The following PDE3B variants were observed in gnomAD, a reference collection of about 807,000 sequenced individuals.
PDE3B encodes the protein cGMP-inhibited 3',5'-cyclic phosphodiesterase 3B.
In PDE3B, 66 loss-of-function variants were observed where a neutral mutation model predicts 116.8. The ratio of observed to expected loss-of-function variants is 0.56; its 90% CI spans 0.46 to 0.69. The LOEUF (loss-of-function observed/expected upper bound fraction) is 0.69, where lower values mean the gene tolerates loss of function less well. Ranked by LOEUF, PDE3B falls within the 30% of genes least tolerant of loss-of-function variation. The pLI, the probability that PDE3B is intolerant of heterozygous loss-of-function variation, is 0.00. For synonymous variants in PDE3B, 595 were observed against 533.6 expected, an observed-to-expected ratio of 1.12 and a Z score of -1.59; for missense variants, 1,384 against 1,368.1, an observed-to-expected ratio of 1.01 and a Z score of -0.18.
At chr11:14,843,414 A>G (rs183971261) in intron 11 of PDE3B, among the ~76,000 whole-genome samples, 237 of 152,358 alleles carry the variant, frequency 1.6e-3, no homozygotes, top group African/African-American at 5.2e-3. Context: ...TTGGTAAGAT[A>G]TTAAATTCCT....
intron 1 of PDE3B, among the ~76,000 whole-genome samples, chr11:14,767,676 A>G (rs182984915): frequency 5.3e-5 from 8 of 151,572 alleles, no homozygotes; most frequent in Non-Finnish European, 1.0e-4. Flanking sequence ...TTTTAAGAAT[A>G]TAAGTTTTTA....
chr11:14,787,505 T>G (rs1858247048), intron 3 of PDE3B, among the ~76,000 whole-genome samples: 1 of 151,958 alleles, frequency 6.6e-6, no homozygotes, highest in Admixed American at 6.6e-5. Context: ...AAATATAGTT[T>G]TTGTAGGGAT....
Position 14,859,202 on chromosome 11 carries a change from G to A in PDE3B, c.2680G>A (p.Asp894Asn), listed in dbSNP as rs1847903116. 1 of 1,612,544 alleles carries A rather than the reference G, an allele frequency of 6.2e-7. No individual in the cohort carries two copies. The highest frequency in any genetic ancestry group is 1.7e-4 in the Middle Eastern group (1 of 6,056). ...AGTCATTGAAGCAATCCTTGCTACGGATCTTAAAAAGCATTTTGATTTTCT... is the reference window on the plus strand; with the variant it reads ...AGTCATTGAAGCAATCCTTGCTACGAATCTTAAAAAGCATTTTGATTTTCT... ...FLVIEAILATDLKKHFDFLAE... is the reference protein window; with the variant it reads ...FLVIEAILATNLKKHFDFLAE... The change falls in exon 13 of 16, where the codon GAT becomes AAT. Residue 894 changes from aspartate (D) to asparagine (N), a missense_variant. Asp to Asn is a conservative substitution (Grantham distance 23). This residue lies in a region of PDE3B where 428 missense variants were observed against 561.4 expected (regional missense o/e 0.76). Coordinates refer to ENST00000282096, the MANE Select transcript of PDE3B (RefSeq NM_000922.4).
chr11:14,899,151 A>T, the PDE3B span, among the ~76,000 whole-genome samples: 2 of 151,964 alleles, frequency 1.3e-5, no homozygotes, highest in Non-Finnish European at 2.9e-5. Flanking sequence ...TGGATCAATG[A>T]TTACCTCATT....
intron 4 of PDE3B, among the ~76,000 whole-genome samples, chr11:14,801,698 G>A (rs1858771155): frequency 6.6e-6 from 1 of 152,194 alleles, no homozygotes; most frequent in African/African-American, 2.4e-5. Context: ...AGAGCCATTG[G>A]GCAGGGATGG....
intron 12 of PDE3B, among the ~76,000 whole-genome samples, chr11:14,854,961 A>T (rs1496167): frequency 0.24 from 36,253 of 151,974 alleles, 5,086 homozygotes; most frequent in Admixed American, 0.37. Context: ...TATTTTTTTT[A>T]AAATGTATTC....
intron 1 of PDE3B, among the ~76,000 whole-genome samples, chr11:14,670,177 C>T (rs953691351): frequency 3.3e-5 from 5 of 152,070 alleles, no homozygotes; most frequent in African/African-American, 1.2e-4. Context: ...TGGATTTGCA[C>T]CATCTGTGTT....
chr11:14,770,130 T>C (rs544113797), intron 1 of PDE3B, among the ~76,000 whole-genome samples: 1 of 151,430 alleles, frequency 6.6e-6, no homozygotes, highest in African/African-American at 2.4e-5. Context: ...CAGATGATAG[T>C]ACAGTTAAAA....
At chr11:14,885,961 T>C in the PDE3B span, 1 of 1,586,444 alleles carries the variant, frequency 6.3e-7, no homozygotes, top group Non-Finnish European at 8.6e-7. Context: ...ACAGCATGTA[T>C]GGAGAAATAT....
chr11:14,787,013 T>C (rs1263819537), intron 3 of PDE3B, among the ~76,000 whole-genome samples: 2 of 152,048 alleles, frequency 1.3e-5, no homozygotes, highest in Non-Finnish European at 2.9e-5. Flanking sequence ...TTTTATTCTT[T>C]AGAATCTAGG....
Position 14,738,319 on chromosome 11 carries a change from C to T in PDE3B, c.979-33618C>T, listed in dbSNP as rs865809412. On this transcript the variant is annotated intron_variant, in intron 1 of 15. Transcript: ENST00000282096. ...TTTTAGTGATCGCCATTCTAACTGG[C>T]GTGAGATGGTATCTCATTGTGGTTT... 1.8e-3 allele frequency among the ~76,000 whole-genome samples: 281 copies of T among 152,262 alleles called. 1 individual carries two copies. Among genetic ancestry groups the T allele is most frequent in the African/African-American group, 6.2e-3 (259 of 41,542 alleles).
At chr11:14,675,821 G>A (rs545434268) in intron 1 of PDE3B, among the ~76,000 whole-genome samples, 1 of 152,100 alleles carries the variant, frequency 6.6e-6, no homozygotes, top group South Asian at 2.1e-4. Context: ...TCCAGTTTTT[G>A]CCTTATGAAT....
At chr11:14,726,163 A>G (rs913215044) in intron 1 of PDE3B, among the ~76,000 whole-genome samples, 3 of 152,210 alleles carry the variant, frequency 2.0e-5, no homozygotes, top group Admixed American at 6.5e-5. Flanking sequence ...CTGTGATCTT[A>G]TGAAAGAGGT....
At chr11:14,709,981 C>A (rs984700443) in intron 1 of PDE3B, among the ~76,000 whole-genome samples, 8 of 152,074 alleles carry the variant, frequency 5.3e-5, no homozygotes, top group African/African-American at 1.9e-4. Flanking sequence ...AAATAACACC[C>A]TACATTGATA....
At chr11:14,787,172 T>C (rs1858232646) in intron 3 of PDE3B, among the ~76,000 whole-genome samples, 1 of 151,254 alleles carries the variant, frequency 6.6e-6, no homozygotes, top group Admixed American at 6.6e-5. Context: ...CAGTAGGCAT[T>C]GATTTTTATA....
At position 14,644,601 on chromosome 11, in the gene PDE3B, T is replaced by G. The variant is rs548699750; in HGVS notation, c.526T>G (p.Trp176Gly). The change falls in exon 1 of 16, where the codon TGG becomes GGG. Residue 176 changes from tryptophan to glycine, a missense_variant. This residue lies in a region of PDE3B where 956 missense variants were observed against 806.8 expected (regional missense o/e 1.18). Coordinates refer to ENST00000282096, the MANE Select transcript of PDE3B (RefSeq NM_000922.4). ...FLVWQWWSWPWGDGDAGSAAP... is the reference protein window; with the variant it reads ...FLVWQWWSWPGGDGDAGSAAP... ...GGTGTGGCAGTGGTGGTCTTGGCCT[T>G]GGGGGGATGGCGACGCAGGGTCCGC... The G allele has an allele frequency of 1.1e-5, 17 of 1,554,096 alleles. No individual in the cohort carries two copies. In the Admixed American group the frequency reaches 3.4e-4, roughly 31 times the overall value.
chr11:14,759,052 T>C (rs1040966282), intron 1 of PDE3B, among the ~76,000 whole-genome samples: 1 of 152,100 alleles, frequency 6.6e-6, no homozygotes, highest in South Asian at 2.1e-4. Context: ...TTGGCTCTGT[T>C]TATATGCTGG....
chr11:14,861,930 AC>A (rs2133991759), intron 14 of PDE3B, among the ~76,000 whole-genome samples: 1 of 152,278 alleles, frequency 6.6e-6, no homozygotes, highest in South Asian at 2.1e-4. Context: ...ATGTGCAGTG[AC>A]CTGCCAGCAC....
In PDE3B at chr11:14,790,381, A is replaced by G. The variant is rs1858345290; in HGVS notation, c.1415+1139A>G. On this transcript the variant is annotated intron_variant, in intron 4 of 15. Coordinates refer to ENST00000282096, the MANE Select transcript of PDE3B (RefSeq NM_000922.4). ...AGGATATAGGGAAGTGAATGATGTT[A>G]GGAACAGAAAATGTGACAGTATTTC... Among the ~76,000 whole-genome samples, 3 of 150,038 alleles carry G rather than the reference A, an allele frequency of 2.0e-5. No homozygotes were observed. In the South Asian group the frequency reaches 6.3e-4, roughly 32 times the overall value.
Sources: gnomAD v4.1 joint callset for allele counts (sites outside exome capture counted in the v4.1 genomes callset) on GRCh38, gnomAD v4.1.1 for gene constraint, gnomAD v4.1.1 regional missense constraint, MANE v1.5 for transcripts, NCBI Gene and HGNC (gene_info 2026-07-23, HGNC 2026-07-21) for gene names.